GRK3: variants seen among roughly 807,000 people sequenced by gnomAD.
The protein encoded by GRK3 is G protein-coupled receptor kinase 3.
GRK3 carries 54 observed loss-of-function variants against 95.7 expected under a neutral mutation model. That is an observed-to-expected ratio of 0.56 (90% CI 0.45 to 0.71). GRK3 has a LOEUF of 0.71. Among genes scored for constraint, GRK3 ranks in the 30% least tolerant of loss-of-function variants. The pLI is 0.00. For missense variants in GRK3, 649 were observed against 851.2 expected (o/e 0.76, Z 2.96); for synonymous variants, 281 against 290.8 (o/e 0.97, Z 0.34).
chr22:25,636,762 G>A (rs1031379571), intron 2 of GRK3, among the ~76,000 whole-genome samples: 5 of 151,872 alleles, frequency 3.3e-5, no homozygotes, highest in African/African-American at 1.2e-4. Context: ...AAAAACCATA[G>A]ATCAGTTTTG....
chr22:25,622,651 G>A (rs950377948), intron 2 of GRK3, among the ~76,000 whole-genome samples: 2 of 152,192 alleles, frequency 1.3e-5, no homozygotes, highest in African/African-American at 4.8e-5. Flanking sequence ...TATGTTTTAA[G>A]ATCATTCTAG....
At chr22:25,633,030 C>A (rs1448524434) in intron 2 of GRK3, among the ~76,000 whole-genome samples, 1 of 152,092 alleles carries the variant, frequency 6.6e-6, no homozygotes, top group Non-Finnish European at 1.5e-5. Context: ...CCTGCCTCAG[C>A]CTCCCAAGTA....
chr22:25,657,270 A>G (rs767889710), intron 3 of GRK3, among the ~76,000 whole-genome samples: 32 of 152,304 alleles, frequency 2.1e-4, no homozygotes, highest in Middle Eastern at 6.8e-3. Flanking sequence ...TTGTTCTATC[A>G]ATTGCTGAGA....
At chr22:25,667,544 G>C (rs990966870) in intron 5 of GRK3, among the ~76,000 whole-genome samples, 195 bp from the exon 6 acceptor site, 1 of 152,182 alleles carries the variant, frequency 6.6e-6, no homozygotes, top group Non-Finnish European at 1.5e-5. Flanking sequence ...TGTCTTCATA[G>C]AATCAAGTGG....
Position 25,607,409 on chromosome 22 carries a change from G to A in GRK3, c.190+2956G>A, listed in dbSNP as rs144662949. Among the ~76,000 whole-genome samples, 8 of 150,664 alleles carry A rather than the reference G, an allele frequency of 5.3e-5. No homozygotes were observed. In the East Asian group the frequency reaches 1.4e-3, roughly 26 times the overall value. On this transcript the variant is annotated intron_variant, in intron 2 of 20. Coordinates refer to ENST00000324198, the MANE Select transcript of GRK3 (RefSeq NM_005160.4). ...AGTATTCAAATACTGTTCTTGTATTGTAATTGATGATAATATTTCTTGTAA... is the reference window on the plus strand; with the variant it reads ...AGTATTCAAATACTGTTCTTGTATTATAATTGATGATAATATTTCTTGTAA...
chr22:25,725,482 T>C lies in GRK3; in HGVS notation c.*3032T>C. ...AACCTAAAACATTCTCTTTGGTTCA[T>C]TCATCCCCTCATGTCATGGGGGCTC... On this transcript the variant is annotated 3_prime_UTR_variant, in exon 21 of 21. Coordinates refer to ENST00000324198, the MANE Select transcript of GRK3 (RefSeq NM_005160.4). 1 of 398,522 alleles carries C rather than the reference T, an allele frequency of 2.5e-6. No homozygotes were observed. 24.7% of individuals were successfully genotyped at this position (398,522 alleles called of 1,614,324 possible).
chr22:25,633,861 A>G (rs1306588781), intron 2 of GRK3, among the ~76,000 whole-genome samples: 2 of 152,088 alleles, frequency 1.3e-5, no homozygotes, highest in Non-Finnish European at 2.9e-5. Flanking sequence ...TGATAATTTG[A>G]TTATTAGGGC....
intron 1 of GRK3, among the ~76,000 whole-genome samples, chr22:25,584,174 G>A (rs1932204954): frequency 1.3e-5 from 2 of 152,244 alleles, no homozygotes; most frequent in Non-Finnish European, 2.9e-5. Flanking sequence ...CTTTAGCCAT[G>A]TGGTGGTTCC....
At chr22:25,659,831 G>C (rs1419739727) in intron 3 of GRK3, among the ~76,000 whole-genome samples, 1 of 152,204 alleles carries the variant, frequency 6.6e-6, no homozygotes, top group African/African-American at 2.4e-5. Context: ...AGTCAAGACA[G>C]TGTTGTGGTT....
At chr22:25,668,557 A>G (rs1407039888) in intron 6 of GRK3, among the ~76,000 whole-genome samples, 1 of 152,232 alleles carries the variant, frequency 6.6e-6, no homozygotes, top group Non-Finnish European at 1.5e-5. Context: ...TTGCAATTCT[A>G]TTGGAGTTCA....
chr22:25,593,749 C>G (rs1932577079), intron 1 of GRK3, among the ~76,000 whole-genome samples: 2 of 151,548 alleles, frequency 1.3e-5, no homozygotes, highest in South Asian at 4.2e-4. Context: ...CTTTTGAGGA[C>G]TTTTTTTTGC....
intron 19 of GRK3, among the ~76,000 whole-genome samples, chr22:25,719,435 G>A (rs552328583): frequency 6.1e-4 from 93 of 152,288 alleles, no homozygotes; most frequent in African/African-American, 2.1e-3. Context: ...CAGAGATGAG[G>A]TCACCAAAAG....
At chr22:25,590,682 A>G (rs144323911) in intron 1 of GRK3, among the ~76,000 whole-genome samples, 5,597 of 152,194 alleles carry the variant, frequency 0.037, 201 homozygotes, top group African/African-American at 0.085. Flanking sequence ...TTAGCCAGGC[A>G]TGGTGGTGGG....
At chr22:25,674,625 C>T in intron 8 of GRK3, 97 bp downstream of exon 8, 1 of 957,664 alleles carries the variant, frequency 1.0e-6, no homozygotes, top group Non-Finnish European at 1.6e-6. Flanking sequence ...AAACCTATGA[C>T]ATTTCTTTTG....
At chr22:25,690,896 T>G (rs893262878) in intron 12 of GRK3, among the ~76,000 whole-genome samples, 4 of 152,190 alleles carry the variant, frequency 2.6e-5, no homozygotes, top group Admixed American at 1.3e-4. Flanking sequence ...CACCAGGTCC[T>G]CTACGTGATC....
chr22:25,637,025 T>C (rs1249103350), intron 2 of GRK3, among the ~76,000 whole-genome samples: 2 of 152,208 alleles, frequency 1.3e-5, no homozygotes, highest in Non-Finnish European at 2.9e-5. Flanking sequence ...TGGGTGGCTA[T>C]TGCCCAATCC....
At chr22:25,618,898 C>G (rs190907811) in intron 2 of GRK3, among the ~76,000 whole-genome samples, 8 of 152,230 alleles carry the variant, frequency 5.3e-5, no homozygotes, top group African/African-American at 1.9e-4. Flanking sequence ...CTGGGATCCT[C>G]CTAGTTTATT....
intron 2 of GRK3, among the ~76,000 whole-genome samples, chr22:25,620,911 C>T (rs1195690323): frequency 6.6e-6 from 1 of 152,212 alleles, no homozygotes; most frequent in Non-Finnish European, 1.5e-5. Flanking sequence ...TAACGAATTC[C>T]ATCAAGAAGA....
chr22:25,722,718 A>G lies in GRK3; in HGVS notation c.*268A>G. ...GAACTTGAAGTGACTCCTACTTATC[A>G]CGTAAATTTTTATGTCTGATATCAA... On this transcript the variant is annotated 3_prime_UTR_variant, in exon 21 of 21. Transcript: ENST00000324198. 1 of 326,356 alleles carries G rather than the reference A, an allele frequency of 3.1e-6. No individual in the cohort carries two copies. The highest frequency in any genetic ancestry group is 5.6e-6 in the Non-Finnish European group (1 of 177,708). The allele number at this position is 326,356 out of a possible 1,614,324, so 20.2% of individuals were successfully genotyped here. A position where few individuals can be genotyped will look rare whatever the true frequency, so the allele number is the denominator to read the frequency against.
Sources: allele counts gnomAD v4.1 joint callset (sites outside exome capture counted in the v4.1 genomes callset), GRCh38; gene constraint gnomAD v4.1.1; transcripts MANE v1.5; gene names NCBI Gene and HGNC (gene_info 2026-07-23, HGNC 2026-07-21).